PLPPR1: variants seen among roughly 807,000 people sequenced by gnomAD.
PLPPR1 encodes phospholipid phosphatase related 1, also known as phospholipid phosphatase-related protein type 1.
PLPPR1 carries 10 observed loss-of-function variants against 33.1 expected under a neutral mutation model. The observed-to-expected ratio is 0.30, with a 90% confidence interval of 0.19 to 0.51. The LOEUF is 0.51. Among genes scored for constraint, PLPPR1 ranks in the 20% least tolerant of loss-of-function variants. The pLI is 0.97. For synonymous variants in PLPPR1, 151 were observed against 151.0 expected (o/e 1.00, Z 0.00); for missense variants, 304 against 408.1 (o/e 0.74, Z 2.20).
rs530401116 is a variant in PLPPR1, at chr9:101,169,158, T to C, written c.-45-16292T>C. ...GTACTTTTGCTGGGGACTTTCCCAATGTCTCATCCCTTTTGGGGTGTGTGT... is the reference window on the plus strand; with the variant it reads ...GTACTTTTGCTGGGGACTTTCCCAACGTCTCATCCCTTTTGGGGTGTGTGT... On this transcript the variant is annotated intron_variant, in intron 1 of 7. Coordinates refer to ENST00000374874, the MANE Select transcript of PLPPR1 (RefSeq NM_207299.2). Among the ~76,000 whole-genome samples, 32 of 152,268 alleles carry C rather than the reference T, an allele frequency of 2.1e-4. No homozygotes were observed. In the South Asian group the frequency reaches 6.2e-3, roughly 30 times the overall value.
intron 2 of PLPPR1, among the ~76,000 whole-genome samples, chr9:101,243,271 A>ATCC (rs1233497700): frequency 1.3e-5 from 2 of 152,046 alleles, no homozygotes; most frequent in African/African-American, 4.8e-5. Context: ...TAGAAAAAGG[A>ATCC]CATCAATTAA....
At chr9:101,075,571 A>C (rs1216583484) in intron 1 of PLPPR1, among the ~76,000 whole-genome samples, 1 of 152,224 alleles carries the variant, frequency 6.6e-6, no homozygotes, top group Non-Finnish European at 1.5e-5. Context: ...TGCCTAGTGA[A>C]AAAAGCTCTC....
intron 1 of PLPPR1, chr9:101,125,897 G>A: frequency 2.4e-6 from 1 of 419,964 alleles, no homozygotes; most frequent in South Asian, 3.7e-5. Context: ...ACACCACAAT[G>A]AACACATTCA....
intron 4 of PLPPR1, among the ~76,000 whole-genome samples, chr9:101,295,518 AG>A (rs1828609415): frequency 6.6e-6 from 1 of 152,138 alleles, no homozygotes; most frequent in Non-Finnish European, 1.5e-5. Flanking sequence ...AAAAGAACAA[AG>A]CTGGAGGCAT....
At chr9:101,122,371 A>C (rs1427762770) in intron 1 of PLPPR1, among the ~76,000 whole-genome samples, 1 of 152,218 alleles carries the variant, frequency 6.6e-6, no homozygotes, top group Non-Finnish European at 1.5e-5. Flanking sequence ...GCAAACAGTT[A>C]ATTGCACTTG....
chr9:101,249,771 A>C (rs2118863324), intron 2 of PLPPR1, among the ~76,000 whole-genome samples: 1 of 152,216 alleles, frequency 6.6e-6, no homozygotes, highest in South Asian at 2.1e-4. Context: ...GAATACTAGA[A>C]GTGGACAACT....
chr9:101,092,520 C>A (rs2118534323), intron 1 of PLPPR1, among the ~76,000 whole-genome samples: 1 of 152,268 alleles, frequency 6.6e-6, no homozygotes, highest in Admixed American at 6.5e-5. Flanking sequence ...CCCAGTCCAG[C>A]CTTGCCTACC....
chr9:101,074,704 G>A (rs1036514454), intron 1 of PLPPR1, among the ~76,000 whole-genome samples: 2 of 151,914 alleles, frequency 1.3e-5, no homozygotes, highest in African/African-American at 4.8e-5. Flanking sequence ...TTTCTGCCAG[G>A]TTTAACAGAA....
intron 2 of PLPPR1, among the ~76,000 whole-genome samples, chr9:101,243,218 A>C (rs1373301713): frequency 6.6e-6 from 1 of 152,050 alleles, no homozygotes; most frequent in Non-Finnish European, 1.5e-5. Flanking sequence ...CCAGGTCGTC[A>C]GAATCTTAAA....
chr9:101,062,415 A>T (rs57633276), intron 1 of PLPPR1, among the ~76,000 whole-genome samples: 6 of 152,042 alleles, frequency 3.9e-5, no homozygotes, highest in African/African-American at 1.2e-4. Flanking sequence ...GGCTACATAC[A>T]GGCTAATATT....
intron 2 of PLPPR1, among the ~76,000 whole-genome samples, chr9:101,203,252 A>T (rs1826524349): frequency 6.6e-6 from 1 of 152,188 alleles, no homozygotes; most frequent in South Asian, 2.1e-4. Flanking sequence ...GGAGCAATAA[A>T]AGTATTAGAT....
intron 2 of PLPPR1, chr9:101,187,212 C>T (rs956636374): frequency 1.3e-5 from 2 of 151,718 alleles, no homozygotes; most frequent in Admixed American, 6.6e-5. Context: ...ATAAGTCATC[C>T]ATCATCATCT....
intron 1 of PLPPR1, among the ~76,000 whole-genome samples, chr9:101,091,052 C>A (rs1053268445): frequency 6.6e-6 from 1 of 151,940 alleles, no homozygotes; most frequent in East Asian, 1.9e-4. Context: ...CTCAAATCTG[C>A]ATCTCTAATC....
intron 1 of PLPPR1, among the ~76,000 whole-genome samples, chr9:101,068,254 T>C (rs1228030104): frequency 6.6e-6 from 1 of 152,038 alleles, no homozygotes; most frequent in East Asian, 1.9e-4. Context: ...AAAATACTTC[T>C]CAAATTTTGT....
At chr9:101,236,405 C>A (rs1213923631) in intron 2 of PLPPR1, among the ~76,000 whole-genome samples, 1 of 151,540 alleles carries the variant, frequency 6.6e-6, no homozygotes, top group African/African-American at 2.4e-5. Flanking sequence ...CTTCTCTTCC[C>A]TAGGAAAAGT....
chr9:101,230,926 T>C (rs142208489), intron 2 of PLPPR1, among the ~76,000 whole-genome samples: 3,000 of 151,992 alleles, frequency 0.02, 105 homozygotes, highest in African/African-American at 0.069. Flanking sequence ...ACTCTCTGCC[T>C]TGTAGTGTTT....
rs759578933 is a variant in PLPPR1 at position 101,185,589 on chromosome 9, T to G, written c.63+32T>G. The G allele has an allele frequency of 2.1e-6, 3 of 1,395,436 alleles. No homozygotes were observed. The East Asian group carries it at 7.0e-5, about 33-fold the overall frequency. The allele number at this position is 1,395,436 out of a possible 1,614,324, so 86.4% of individuals were successfully genotyped here. On this transcript the variant is annotated intron_variant, in intron 2 of 7. Transcript: ENST00000374874. ...GTATTTTTTAACCTTTATGGACAAA[T>G]TGAAATAAAAGTAACAGTTTTTATT...
At chr9:101,302,838 C>T (rs778360411) in intron 4 of PLPPR1, among the ~76,000 whole-genome samples, 12 of 152,174 alleles carry the variant, frequency 7.9e-5, no homozygotes, top group Non-Finnish European at 1.6e-4. Context: ...AAGAGATGCA[C>T]AAAGCTGGTT....
Position 101,213,067 on chromosome 9 carries a change from C to A in PLPPR1, c.63+27510C>A, listed in dbSNP as rs534285816. Reference sequence around the variant, plus strand: ...CTTCACTTTACAGATGAGGACACTGCAATATAGAGAGGTGAATTAAATTGC... The same window carrying A: ...CTTCACTTTACAGATGAGGACACTGAAATATAGAGAGGTGAATTAAATTGC... On this transcript the variant is annotated intron_variant, in intron 2 of 7. Transcript: ENST00000374874. Among the ~76,000 whole-genome samples, 20 of 152,200 alleles carry A rather than the reference C, an allele frequency of 1.3e-4. No individual in the cohort carries two copies. In the South Asian group the frequency reaches 3.9e-3, roughly 30 times the overall value.
Sources: allele counts gnomAD v4.1 joint callset (sites outside exome capture counted in the v4.1 genomes callset), GRCh38; gene constraint gnomAD v4.1.1; transcripts MANE v1.5; gene names NCBI Gene and HGNC (gene_info 2026-07-23, HGNC 2026-07-21).